Variants in PPM1H observed in about 807,000 individuals in gnomAD.
PPM1H encodes the protein protein phosphatase 1H.
Under a neutral mutation model 54.9 loss-of-function variants are expected in PPM1H, and 27 were observed. The observed-to-expected ratio is 0.49, with a 90% CI of 0.36 to 0.68. PPM1H has a LOEUF of 0.68. Ranked by LOEUF, PPM1H falls within the 30% of genes least tolerant of loss-of-function variation. PPM1H has a pLI of 0.00. For synonymous variants in PPM1H, 305 were observed against 270.8 expected (o/e 1.13, Z -1.24); for missense variants, 596 against 667.8 (o/e 0.89, Z 1.19).
At chr12:62,668,408 C>T (rs553972059) in intron 8 of PPM1H, among the ~76,000 whole-genome samples, 1 of 152,314 alleles carries the variant, frequency 6.6e-6, no homozygotes, top group East Asian at 1.9e-4. Flanking sequence ...GAGTCTCTCA[C>T]TGTGTTGCCC....
At chr12:62,742,534 A>G (rs1005091137) in intron 4 of PPM1H, among the ~76,000 whole-genome samples, 1 of 152,376 alleles carries the variant, frequency 6.6e-6, no homozygotes, top group African/African-American at 2.4e-5. Context: ...CTAAACAATC[A>G]ATAAAGTAGA....
rs559421904 is a variant in PPM1H, at chr12:62,700,059, T to TCCC, written c.1074-6063_1074-6061dup. Reference sequence around the variant, plus strand: ...TGTCAGTCCCTCCATCTGCCTCATATCCCCCTCCCTTACCCACCAGCCTTT... The same window carrying TCCC: ...TGTCAGTCCCTCCATCTGCCTCATATCCCCCCCCTCCCTTACCCACCAGCCTTT... On this transcript the variant is annotated intron_variant, in intron 6 of 9. Transcript: ENST00000228705. Among the ~76,000 whole-genome samples the TCCC allele has an allele frequency of 3.9e-5, 6 of 152,132 alleles. No homozygotes were observed. In the South Asian group the frequency reaches 1.2e-3, roughly 32 times the overall value.
chr12:62,867,445 A>C (rs751717390), intron 1 of PPM1H, among the ~76,000 whole-genome samples: 7 of 151,746 alleles, frequency 4.6e-5, no homozygotes, highest in Non-Finnish European at 1.0e-4. Context: ...GCCTCCTCCC[A>C]TAGACCCATA....
At chr12:62,843,605 T>C (rs1361529870) in intron 1 of PPM1H, among the ~76,000 whole-genome samples, 3 of 152,218 alleles carry the variant, frequency 2.0e-5, no homozygotes, top group Non-Finnish European at 2.9e-5. Context: ...CAAGAAGGAA[T>C]TGTGACACTT....
intron 5 of PPM1H, 23 bp downstream of exon 5, chr12:62,737,479 T>G: frequency 6.7e-7 from 1 of 1,497,392 alleles, no homozygotes; most frequent in South Asian, 1.2e-5. Flanking sequence ...CACTGCCCTC[T>G]GCCAAGCCTA....
At chr12:62,886,122 C>T (rs1870579519) in intron 1 of PPM1H, among the ~76,000 whole-genome samples, 1 of 152,214 alleles carries the variant, frequency 6.6e-6, no homozygotes, top group East Asian at 1.9e-4. Context: ...CAGTGCACTG[C>T]CTTTGGTTAG....
chr12:62,732,535 T>A (rs186242001), intron 5 of PPM1H, among the ~76,000 whole-genome samples: 3 of 151,900 alleles, frequency 2.0e-5, no homozygotes, highest in South Asian at 2.1e-4. Context: ...ATCTGCTCAA[T>A]GCAAGTGGCT....
intron 5 of PPM1H, among the ~76,000 whole-genome samples, chr12:62,724,949 C>A (rs1023678021): frequency 1.3e-5 from 2 of 152,194 alleles, no homozygotes; most frequent in African/African-American, 4.8e-5. Flanking sequence ...CATGTATGTT[C>A]ATAATTTTCC....
chr12:62,680,158 G>A (rs1471868598), intron 8 of PPM1H, among the ~76,000 whole-genome samples: 1 of 152,082 alleles, frequency 6.6e-6, no homozygotes, highest in East Asian at 1.9e-4. Flanking sequence ...CTTAGGCTAG[G>A]TTTTAAGAAG....
chr12:62,832,722 T>A (rs1380688153), intron 1 of PPM1H, among the ~76,000 whole-genome samples: 1 of 152,180 alleles, frequency 6.6e-6, no homozygotes, highest in Non-Finnish European at 1.5e-5. Flanking sequence ...TGGCAGTAAC[T>A]TACAGCATGT....
rs537964904 is a variant in PPM1H at position 62,815,005 on chromosome 12, A to G, written c.412-12845T>C. 3.3e-5 allele frequency among the ~76,000 whole-genome samples: 5 copies of G among 152,330 alleles called. No individual in the cohort carries two copies. The East Asian group carries it at 5.8e-4, about 18-fold the overall frequency. On this transcript the variant is annotated intron_variant, in intron 2 of 9. Coordinates refer to ENST00000228705, the MANE Select transcript of PPM1H (RefSeq NM_020700.2). ...AGGCATTCCATCCACAGGGCTTTCA[A>G]TGTCCAGTTTTCCATCTGATCCTCA...
intron 1 of PPM1H, among the ~76,000 whole-genome samples, chr12:62,906,771 C>T (rs756801260): frequency 6.6e-6 from 1 of 152,158 alleles, no homozygotes; most frequent in South Asian, 2.1e-4. Flanking sequence ...AGAGTTCTTC[C>T]GTATTAAAAG....
chr12:62,858,536 C>A (rs543719050), intron 1 of PPM1H, among the ~76,000 whole-genome samples: 1 of 152,206 alleles, frequency 6.6e-6, no homozygotes, highest in East Asian at 1.9e-4. Flanking sequence ...AGCATGCAAT[C>A]TGTCTCCCCT....
intron 1 of PPM1H, among the ~76,000 whole-genome samples, chr12:62,922,127 C>A (rs929791326): frequency 6.6e-6 from 1 of 152,126 alleles, no homozygotes; most frequent in Non-Finnish European, 1.5e-5. Flanking sequence ...TACTTAGGAA[C>A]GCACATATAG....
chr12:62,704,740 A>G (rs1032528012), intron 6 of PPM1H, among the ~76,000 whole-genome samples: 1 of 152,218 alleles, frequency 6.6e-6, no homozygotes, highest in African/African-American at 2.4e-5. Context: ...CTTAGCCACA[A>G]GAAAGGCTGC....
At chr12:62,697,460 A>G (rs112877370) in intron 6 of PPM1H, among the ~76,000 whole-genome samples, 43 of 152,252 alleles carry the variant, frequency 2.8e-4, no homozygotes, top group African/African-American at 9.9e-4. Context: ...CACAGAGTCA[A>G]CCAAGCCCCC....
chr12:62,899,965 CCT>C (rs145537948), intron 1 of PPM1H, among the ~76,000 whole-genome samples: 1,903 of 152,244 alleles, frequency 0.012, 52 homozygotes, highest in African/African-American at 0.043. Context: ...GCTCCTTCAC[CCT>C]CTTTCAGCCA....
intron 5 of PPM1H, 86 bp from the exon 6 acceptor site, chr12:62,720,375 G>A: frequency 9.6e-7 from 1 of 1,044,546 alleles, no homozygotes; most frequent in Non-Finnish European, 1.4e-6. Context: ...TGCAAATTGA[G>A]ACAGGCCATA....
At chr12:62,675,911 C>A (rs570133074) in intron 8 of PPM1H, among the ~76,000 whole-genome samples, 3 of 152,306 alleles carry the variant, frequency 2.0e-5, no homozygotes, top group African/African-American at 7.2e-5. Flanking sequence ...GTGACAAAGT[C>A]AATCCCGCTG....
Sources: allele counts gnomAD v4.1 joint callset (sites outside exome capture counted in the v4.1 genomes callset), GRCh38; gene constraint gnomAD v4.1.1; transcripts MANE v1.5; gene names NCBI Gene and HGNC (gene_info 2026-07-23, HGNC 2026-07-21).